Variants in ANKRD11 observed in about 807,000 individuals in gnomAD.
ANKRD11 encodes the protein ankyrin repeat domain 11.
ANKRD11 carries 17 observed loss-of-function variants against 195.7 expected under a neutral mutation model. That is an observed-to-expected ratio of 0.09 (90% CI 0.06 to 0.13). The LOEUF is 0.13. Among genes scored for constraint, ANKRD11 ranks in the 10% least tolerant of loss-of-function variants. The probability of loss-of-function intolerance (pLI) is 1.00; values close to 1 mark genes in which losing one functional copy is unlikely to be tolerated. For synonymous variants in ANKRD11, 1,953 were observed against 1,528.1 expected, an observed-to-expected ratio of 1.28 and a Z score of -6.49; for missense variants, 3,735 against 3,566.1, an observed-to-expected ratio of 1.05 and a Z score of -1.21.
chr16:89,463,533 C>T (rs2056776167), intron 1 of ANKRD11, among the ~76,000 whole-genome samples: 1 of 152,132 alleles, frequency 6.6e-6, no homozygotes, highest in Admixed American at 6.5e-5. Context: ...ACAAACACTG[C>T]GGAAGGCCGC....
chr16:89,282,863 C>T lies in ANKRD11; in HGVS notation c.3679G>A (p.Asp1227Asn), dbSNP rs768798977. Residue 1227 changes from aspartate (D) to asparagine (N), a missense_variant, in exon 9 of 13, where the codon GAC becomes AAC. Physicochemically the swap from Asp to Asn is conservative, Grantham distance 23. Coordinates refer to ENST00000301030, the MANE Select transcript of ANKRD11 (RefSeq NM_013275.6). The stretch of plus-strand genomic sequence containing the variant: ...TTATTTTTCTTATCTTGCGTGGAGT[C>T]CACTGAGGCTCTGTCCTTCCTGTCC... ...YKDRKDRASV[D>N]STQDKKNKQK... 44 of 1,612,664 alleles carry T rather than the reference C, an allele frequency of 2.7e-5. 3 individuals are homozygous for T. The South Asian group carries it at 4.6e-4, about 17-fold the overall frequency.
At chr16:89,446,963 C>T (rs1021681559) in intron 1 of ANKRD11, among the ~76,000 whole-genome samples, 6 of 152,128 alleles carry the variant, frequency 3.9e-5, no homozygotes, top group African/African-American at 1.4e-4. Flanking sequence ...AAGTGCCTCA[C>T]GGGCCAGGTC....
At chr16:89,336,693 G>A (rs1483764722) in intron 2 of ANKRD11, among the ~76,000 whole-genome samples, 3 of 152,204 alleles carry the variant, frequency 2.0e-5, no homozygotes, top group Non-Finnish European at 2.9e-5. Context: ...AGGAGACCCG[G>A]CCTGTCCTAA....
chr16:89,311,074 T>G (rs1252615098), intron 3 of ANKRD11, among the ~76,000 whole-genome samples: 1 of 152,236 alleles, frequency 6.6e-6, no homozygotes, highest in Non-Finnish European at 1.5e-5. Context: ...TCTCTATTCC[T>G]AGTTTGCAGA....
chr16:89,306,618 G>A (rs1444354422), intron 3 of ANKRD11, among the ~76,000 whole-genome samples: 3 of 92,602 alleles, frequency 3.2e-5, no homozygotes, highest in South Asian at 8.4e-4. Flanking sequence ...CCGCAGACAC[G>A]CGCCACCTAC....
At chr16:89,468,950 G>T (rs2056976070) in intron 1 of ANKRD11, among the ~76,000 whole-genome samples, 1 of 152,160 alleles carries the variant, frequency 6.6e-6, no homozygotes, top group Non-Finnish European at 1.5e-5. Context: ...AAATGTAAAA[G>T]AAAACTATAA....
chr16:89,449,142 G>A (rs1237555118), intron 1 of ANKRD11, among the ~76,000 whole-genome samples: 1 of 149,732 alleles, frequency 6.7e-6, no homozygotes, highest in African/African-American at 2.5e-5. Flanking sequence ...CTTGAGCCCA[G>A]GAATTTAAGA....
At chr16:89,355,877 A>G (rs1365204164) in intron 2 of ANKRD11, among the ~76,000 whole-genome samples, 4 of 152,120 alleles carry the variant, frequency 2.6e-5, no homozygotes, top group African/African-American at 9.7e-5. Context: ...TGAGATAAAC[A>G]CCACAGGAAC....
At chr16:89,325,465 T>TCACACACACA (rs1279935682) in intron 2 of ANKRD11, among the ~76,000 whole-genome samples, 15 of 139,444 alleles carry the variant, frequency 1.1e-4, no homozygotes, top group African/African-American at 4.4e-4. Flanking sequence ...TCTCTCTCTC[T>TCACACACACA]CTCTCACACA....
At chr16:89,290,521 G>A in intron 6 of ANKRD11, 104 bp downstream of exon 6, 2 of 1,168,782 alleles carry the variant, frequency 1.7e-6, no homozygotes, top group Non-Finnish European at 2.5e-6. Context: ...GGCTCCAATG[G>A]GGGGAGGCTC....
chr16:89,290,898 C>G, intron 5 of ANKRD11, 70 bp from the exon 6 acceptor site: 1 of 1,609,474 alleles, frequency 6.2e-7, no homozygotes, highest in East Asian at 2.2e-5. Flanking sequence ...CTTCAAGAGC[C>G]CAGGCCACCA....
chr16:89,452,854 T>C (rs2044146186), intron 1 of ANKRD11, among the ~76,000 whole-genome samples: 1 of 151,946 alleles, frequency 6.6e-6, no homozygotes, highest in Non-Finnish European at 1.5e-5. Flanking sequence ...CCCTCACTAC[T>C]TTTAGATTCT....
At chr16:89,395,649 T>C (rs2041394047) in intron 2 of ANKRD11, 1 of 152,234 alleles carries the variant, frequency 6.6e-6, no homozygotes, top group African/African-American at 2.4e-5. Context: ...CAGACTCTTC[T>C]AAGGGTGTGA....
chr16:89,278,584 G>A (rs1313086182), intron 9 of ANKRD11: 2 of 457,566 alleles, frequency 4.4e-6, no homozygotes, highest in South Asian at 1.5e-5. Context: ...CCCCAAGGGA[G>A]CTGCAGCTCT....
At chr16:89,319,330 C>G (rs996521901) in intron 2 of ANKRD11, among the ~76,000 whole-genome samples, 9 of 152,348 alleles carry the variant, frequency 5.9e-5, no homozygotes, top group South Asian at 2.1e-4. Flanking sequence ...GCCCAGGCAC[C>G]TTCCCCAATG....
chr16:89,327,152 T>C (rs936655676), intron 2 of ANKRD11, among the ~76,000 whole-genome samples: 1 of 151,836 alleles, frequency 6.6e-6, no homozygotes, highest in Non-Finnish European at 1.5e-5. Context: ...GACAGCGAAA[T>C]ATGTAAGGCT....
At chr16:89,329,171 A>G (rs1597665650) in intron 2 of ANKRD11, among the ~76,000 whole-genome samples, 1 of 152,210 alleles carries the variant, frequency 6.6e-6, no homozygotes, top group South Asian at 2.1e-4. Flanking sequence ...ACCTCGGGGA[A>G]ACAGGCGGGG....
chr16:89,314,075 T>C lies in ANKRD11; in HGVS notation c.87+2858A>G, dbSNP rs117622316. Among the ~76,000 whole-genome samples, 91 of 152,178 alleles carry C rather than the reference T, an allele frequency of 6.0e-4. 1 individual carries two copies. The East Asian group carries it at 0.015, about 25-fold the overall frequency. The stretch of plus-strand genomic sequence containing the variant: ...CTCGTCTCTACAAAAGATACAAAAA[T>C]GAGCCGGGTGTAGCGGTCTGCTCCT... On this transcript the variant is annotated intron_variant, in intron 3 of 12. Transcript: ENST00000301030.
intron 11 of ANKRD11, among the ~76,000 whole-genome samples, chr16:89,273,917 G>A (rs1039367171): frequency 2.0e-5 from 3 of 152,258 alleles, no homozygotes; most frequent in South Asian, 2.1e-4. Context: ...CTCTCGGTGC[G>A]AGATCTGGAC....
Sources: gnomAD v4.1 joint callset for allele counts (sites outside exome capture counted in the v4.1 genomes callset) on GRCh38, gnomAD v4.1.1 for gene constraint, MANE v1.5 for transcripts, NCBI Gene and HGNC (gene_info 2026-07-23, HGNC 2026-07-21) for gene names.